STAB2: variants seen among roughly 807,000 people sequenced by gnomAD.
The protein encoded by STAB2 is stabilin-2.
In STAB2, 288 loss-of-function variants were observed where a neutral mutation model predicts 338.1. That is an observed-to-expected ratio of 0.85 (90% CI 0.77 to 0.94). The LOEUF (loss-of-function observed/expected upper bound fraction) is 0.94. Ranked by LOEUF, STAB2 falls within the 40% of genes least tolerant of loss-of-function variation. The pLI is 0.00. For synonymous variants in STAB2, 1,202 were observed against 1,193.3 expected (o/e 1.01, Z -0.15); for missense variants, 3,141 against 3,210.1 (o/e 0.98, Z 0.52).
chr12:103,721,049 C>CT (rs568988426), intron 44 of STAB2, among the ~76,000 whole-genome samples: 98 of 152,340 alleles, frequency 6.4e-4, no homozygotes, highest in Non-Finnish European at 1.0e-3. Flanking sequence ...AAGGATCTCT[C>CT]TTTTATAAGG....
intron 63 of STAB2, among the ~76,000 whole-genome samples, chr12:103,756,595 A>G (rs529618473): frequency 6.6e-6 from 1 of 152,354 alleles, no homozygotes; most frequent in Non-Finnish European, 1.5e-5. Context: ...CTAACTCATC[A>G]GAGCTGGGCT....
chr12:103,681,009 G>C (rs1876849995), intron 25 of STAB2, among the ~76,000 whole-genome samples: 1 of 152,254 alleles, frequency 6.6e-6, no homozygotes, highest in Non-Finnish European at 1.5e-5. Context: ...CGAGGCGACA[G>C]ACAAACCTAT....
intron 64 of STAB2, among the ~76,000 whole-genome samples, chr12:103,758,799 A>G (rs1884323138): frequency 6.6e-6 from 1 of 152,188 alleles, no homozygotes; most frequent in Non-Finnish European, 1.5e-5. Context: ...TATTTATTCA[A>G]TTCACGCACA....
chr12:103,711,706 A>G (rs1879877104), intron 40 of STAB2, among the ~76,000 whole-genome samples, 190 bp downstream of exon 40: 3 of 152,174 alleles, frequency 2.0e-5, no homozygotes. Context: ...AGGCTTTCTA[A>G]CAAGCTGCCA....
intron 3 of STAB2, among the ~76,000 whole-genome samples, chr12:103,600,799 C>G (rs1956942803): frequency 1.3e-5 from 1 of 78,062 alleles, no homozygotes; most frequent in African/African-American, 1.2e-4. Flanking sequence ...ATCCAGCCAG[C>G]ATATGCCTTC....
chr12:103,750,706 A>T lies in STAB2; in HGVS notation c.6566A>T (p.Asp2189Val), dbSNP rs1242848443. The change falls in exon 60 of 69, where the codon GAC becomes GTC. Residue 2189 changes from aspartate (D) to valine (V), a missense_variant. Physicochemically the swap from Asp to Val is radical, Grantham distance 152 (BLOSUM62 -3). Coordinates refer to ENST00000388887, the MANE Select transcript of STAB2 (RefSeq NM_017564.10). ...TGCCATGCAGACGCCAAATGTGTCG[A>T]CCTCCACTTCCAGGGTTAGTGTGAC... ...GQCHADAKCV[D>V]LHFQDTTVGV... is the part of the protein sequence containing the mutation. 1.9e-6 allele frequency: 3 copies of T among 1,613,380 alleles called. No individual in the cohort carries two copies. The East Asian group carries it at 6.7e-5, about 36-fold the overall frequency.
In STAB2 at chr12:103,705,655, C is replaced by G; in HGVS notation, c.3924C>G (p.Ile1308Met). 8 of 1,614,120 alleles carry G rather than the reference C, an allele frequency of 5.0e-6. No homozygotes were observed. The highest frequency in any genetic ancestry group is 6.8e-6 in the Non-Finnish European group (8 of 1,179,974). Reference sequence around the variant, plus strand: ...AGGGTAATGAGAAGAGGAGATGCATCTATACCTCCTATTTCATGGGAAGAC... The same window carrying G: ...AGGGTAATGAGAAGAGGAGATGCATGTATACCTCCTATTTCATGGGAAGAC... The part of the protein sequence containing the change: ...KSLGNEKRRC[I>M]YTSYFMGRRT... Residue 1308 changes from isoleucine to methionine, a missense_variant, in exon 37 of 69, where the codon ATC becomes ATG. Coordinates refer to ENST00000388887, the MANE Select transcript of STAB2 (RefSeq NM_017564.10).
chr12:103,662,812 G>C, intron 17 of STAB2, 34 bp from the exon 18 acceptor site: 1 of 1,612,280 alleles, frequency 6.2e-7, no homozygotes, highest in South Asian at 1.1e-5. Context: ...GTACAGAATA[G>C]TACAGAATTA....
intron 34 of STAB2, 88 bp downstream of exon 34, chr12:103,699,315 T>A: frequency 6.7e-7 from 1 of 1,484,190 alleles, no homozygotes; most frequent in South Asian, 1.3e-5. Flanking sequence ...GCTCCTGTCA[T>A]CCTTCATCAC....
chr12:103,711,287 C>T (rs1879831225), intron 39 of STAB2, 184 bp from the exon 40 acceptor site: 6 of 682,236 alleles, frequency 8.8e-6, no homozygotes, highest in Non-Finnish European at 4.9e-6. Context: ...ATTTGACCTT[C>T]AGATTTGGCT....
At chr12:103,699,056 C>A in intron 33 of STAB2, 40 bp from the exon 34 acceptor site, 1 of 1,579,274 alleles carries the variant, frequency 6.3e-7, no homozygotes. Context: ...AACTGTCAGG[C>A]TGATCTCTTG....
chr12:103,640,314 A>T, intron 9 of STAB2, 58 bp downstream of exon 9: 2 of 1,576,220 alleles, frequency 1.3e-6, no homozygotes, highest in Non-Finnish European at 1.7e-6. Flanking sequence ...GTGTCCAGTC[A>T]TTGCTGTAAG....
At position 103,587,408 on chromosome 12, in the gene STAB2, C is replaced by G. The variant is rs1023658108; in HGVS notation, c.-69C>G. On this transcript the variant is annotated 5_prime_UTR_variant, in exon 1 of 69. The change creates a new upstream start codon in the 5' untranslated region. Coordinates refer to ENST00000388887, the MANE Select transcript of STAB2 (RefSeq NM_017564.10). ...GAGAAAGAATTCACTGGGAGTTTATCAAACTAAGTTAAAATAGCTAAGTCA... is the reference window on the plus strand; with the variant it reads ...GAGAAAGAATTCACTGGGAGTTTATGAAACTAAGTTAAAATAGCTAAGTCA... The G allele has an allele frequency of 4.7e-6, 6 of 1,269,810 alleles. No individual in the cohort carries two copies. Among genetic ancestry groups the G allele is most frequent in the Non-Finnish European group, 6.7e-6 (6 of 889,074 alleles). The allele number at this position is 1,269,810 out of a possible 1,614,324, so 78.7% of individuals were successfully genotyped here. A position where few individuals can be genotyped will look rare whatever the true frequency, so the allele number is the denominator to read the frequency against.
intron 39 of STAB2, among the ~76,000 whole-genome samples, chr12:103,710,212 A>G (rs1204563269): frequency 6.6e-6 from 1 of 152,224 alleles, no homozygotes; most frequent in African/African-American, 2.4e-5. Context: ...CTACAGAAGA[A>G]AGTCCTAACT....
At chr12:103,664,822 A>G (rs1294266764) in intron 18 of STAB2, among the ~76,000 whole-genome samples, 1 of 152,202 alleles carries the variant, frequency 6.6e-6, no homozygotes, top group Admixed American at 6.5e-5. Context: ...TGTGCCAGTC[A>G]GATGCCATCT....
intron 29 of STAB2, 106 bp from the exon 30 acceptor site, chr12:103,690,318 A>C (rs933811019): frequency 4.7e-5 from 49 of 1,049,994 alleles, no homozygotes; most frequent in Non-Finnish European, 6.6e-5. Flanking sequence ...GGGAACTTGA[A>C]TTTTGACTAT....
chr12:103,591,400 G>T (rs985009688), intron 2 of STAB2, among the ~76,000 whole-genome samples: 1 of 152,094 alleles, frequency 6.6e-6, no homozygotes, highest in African/African-American at 2.4e-5. Flanking sequence ...CACGAGAATC[G>T]CTTGAACCCA....
intron 27 of STAB2, among the ~76,000 whole-genome samples, chr12:103,685,724 A>G (rs1877370053): frequency 6.6e-6 from 1 of 152,140 alleles, no homozygotes; most frequent in Non-Finnish European, 1.5e-5. Flanking sequence ...AGTGTAGAAC[A>G]TTCTATCTGT....
chr12:103,599,071 TC>T (rs1162279467), intron 3 of STAB2, among the ~76,000 whole-genome samples: 6 of 152,176 alleles, frequency 3.9e-5, no homozygotes, highest in Non-Finnish European at 1.5e-5. Flanking sequence ...AGACCCCAGT[TC>T]TAGTTCATTA....
Sources: allele counts gnomAD v4.1 joint callset (sites outside exome capture counted in the v4.1 genomes callset), GRCh38; gene constraint gnomAD v4.1.1; transcripts MANE v1.5; gene names NCBI Gene and HGNC (gene_info 2026-07-23, HGNC 2026-07-21).